Variants in ECRG4 observed in about 807,000 individuals in gnomAD.
ECRG4 encodes augurin.
Under a neutral mutation model 15.8 loss-of-function variants are expected in ECRG4, and 18 were observed. The observed-to-expected ratio is 1.14, with a 90% confidence interval of 0.79 to 1.69. The LOEUF is 1.69. Ranked by LOEUF, ECRG4 falls within the 40% of genes most tolerant of loss-of-function variation. ECRG4 has a pLI of 0.00. For synonymous variants in ECRG4, 82 were observed against 73.9 expected (o/e 1.11, Z -0.56); for missense variants, 200 against 190.9 (o/e 1.05, Z -0.28).
At chr2:106,074,976 AC>A (rs1676454435) in intron 3 of ECRG4, among the ~76,000 whole-genome samples, 1 of 152,168 alleles carries the variant, frequency 6.6e-6, no homozygotes, top group African/African-American at 2.4e-5. Context: ...CACATTTCCA[AC>A]CATTGGACAT....
chr2:106,065,926 G>T (rs1291788788), intron 1 of ECRG4, 83 bp downstream of exon 1: 26 of 1,231,940 alleles, frequency 2.1e-5, no homozygotes, highest in African/African-American at 3.2e-5. Flanking sequence ...CGGGGAGAGC[G>T]ATCGGTGATG....
At chr2:106,068,869 A>G (rs1676279806) in intron 1 of ECRG4, among the ~76,000 whole-genome samples, 5 of 152,182 alleles carry the variant, frequency 3.3e-5, no homozygotes, top group Admixed American at 3.3e-4. Flanking sequence ...TCCCACCCCC[A>G]TCTAATTAGA....
chr2:106,072,116 T>A (rs982573460), intron 2 of ECRG4: 4 of 507,268 alleles, frequency 7.9e-6, no homozygotes, highest in Non-Finnish European at 1.4e-5. Context: ...CTGAAACCTG[T>A]CAGTGTGGAC....
intron 1 of ECRG4, among the ~76,000 whole-genome samples, chr2:106,067,412 A>G (rs1027959582): frequency 6.6e-6 from 1 of 152,188 alleles, no homozygotes; most frequent in African/African-American, 2.4e-5. Flanking sequence ...GTTTATACCA[A>G]TAACTCAGTT....
chr2:106,075,497 G>T (rs1250286395), intron 3 of ECRG4, among the ~76,000 whole-genome samples: 1 of 152,194 alleles, frequency 6.6e-6, no homozygotes, highest in Non-Finnish European at 1.5e-5. Flanking sequence ...CAAGGCAGGT[G>T]GATCACCTGA....
At chr2:106,066,026 GA>G (rs1156482608) in intron 1 of ECRG4, among the ~76,000 whole-genome samples, 183 bp downstream of exon 1, 1 of 152,246 alleles carries the variant, frequency 6.6e-6, no homozygotes, top group African/African-American at 2.4e-5. Flanking sequence ...GCACAAGTGC[GA>G]AGTGGTGCCC....
chr2:106,076,579 C>G (rs945850689), intron 3 of ECRG4, among the ~76,000 whole-genome samples: 1 of 152,296 alleles, frequency 6.6e-6, no homozygotes, highest in South Asian at 2.1e-4. Context: ...TGGATGACCA[C>G]TGAGCCCCAG....
At chr2:106,066,639 G>A (rs899330661) in intron 1 of ECRG4, among the ~76,000 whole-genome samples, 1 of 152,202 alleles carries the variant, frequency 6.6e-6, no homozygotes, top group Non-Finnish European at 1.5e-5. Context: ...GGCAGGGATT[G>A]TTACCTCAGA....
At chr2:106,071,981 T>G (rs1033823581) in intron 2 of ECRG4, 90 bp downstream of exon 2, 1 of 1,155,566 alleles carries the variant, frequency 8.7e-7, no homozygotes, top group Non-Finnish European at 1.3e-6. Flanking sequence ...AGTCTTGTAT[T>G]TGGAAAATCA....
At chr2:106,063,843 A>G (rs1219890859), upstream of ECRG4, among the ~76,000 whole-genome samples, 1 of 152,166 alleles carries the variant, frequency 6.6e-6, no homozygotes, top group African/African-American at 2.4e-5. Context: ...CAGCCTCCCA[A>G]AGTGCTGGGA....
intron 1 of ECRG4, among the ~76,000 whole-genome samples, chr2:106,069,120 TC>T (rs374283802): frequency 0.29 from 42,614 of 147,588 alleles, 6,570 homozygotes; most frequent in East Asian, 0.46. Context: ...TCTTTTTCTT[TC>T]TTCCTTTCTC....
intron 1 of ECRG4, among the ~76,000 whole-genome samples, chr2:106,066,495 GC>G (rs1249857098): frequency 6.6e-6 from 1 of 152,318 alleles, no homozygotes; most frequent in East Asian, 1.9e-4. Context: ...GGCTCCACAG[GC>G]CCCACTTTAG....
chr2:106,077,204 G>A (rs1558659025), intron 3 of ECRG4, among the ~76,000 whole-genome samples: 1 of 152,194 alleles, frequency 6.6e-6, no homozygotes, highest in East Asian at 1.9e-4. Context: ...AGCATTTGCA[G>A]AATAAATAAA....
intron 1 of ECRG4, among the ~76,000 whole-genome samples, chr2:106,071,582 A>C (rs774808162): frequency 1.4e-4 from 22 of 152,196 alleles, no homozygotes; most frequent in Non-Finnish European, 2.6e-4. Flanking sequence ...CACAGGGCTA[A>C]AAGAACAGCA....
At chr2:106,067,828 A>G (rs1003876603) in intron 1 of ECRG4, among the ~76,000 whole-genome samples, 2 of 146,436 alleles carry the variant, frequency 1.4e-5, no homozygotes, top group Non-Finnish European at 3.0e-5. Flanking sequence ...TCTTTATGCC[A>G]CCTCCAAACT....
Position 106,065,726 on chromosome 2 carries a change from G to C in ECRG4, c.-39G>C. On this transcript the variant is annotated 5_prime_UTR_variant, in exon 1 of 4. Coordinates refer to ENST00000238044, the MANE Select transcript of ECRG4 (RefSeq NM_032411.3). The stretch of plus-strand genomic sequence containing the variant: ...GCCCGGTTCTCCCTCGCAGCACCTC[G>C]AAGTGCGCCCCTCGCCCTCCTGCTC... 6.9e-7 allele frequency: 1 copy of C among 1,446,544 alleles called. No individual in the cohort carries two copies. The allele number at this position is 1,446,544 out of a possible 1,614,324, so 89.6% of individuals were successfully genotyped here. A position where few individuals can be genotyped will look rare whatever the true frequency, so the allele number is the denominator to read the frequency against.
intron 2 of ECRG4, 49 bp from the exon 3 acceptor site, chr2:106,073,837 G>A: frequency 1.3e-6 from 2 of 1,590,776 alleles, no homozygotes; most frequent in South Asian, 1.1e-5. Flanking sequence ...CGCAAGTGAG[G>A]AAGGAAGTCA....
intron 1 of ECRG4, among the ~76,000 whole-genome samples, chr2:106,071,376 TAAAAAAA>T (rs149621968): frequency 1.4e-5 from 2 of 138,752 alleles, no homozygotes; most frequent in South Asian, 4.4e-4. Flanking sequence ...GAAAAGAAAA[TAAAAAAA>T]AAATAAAAAT....
chr2:106,071,903 C>A lies in ECRG4; in HGVS notation c.127+12C>A. The A allele has an allele frequency of 6.2e-7, 1 of 1,607,448 alleles. No individual in the cohort carries two copies. Among genetic ancestry groups the A allele is most frequent in the Non-Finnish European group, 8.5e-7 (1 of 1,174,180 alleles). On this transcript the variant is annotated intron_variant, in intron 2 of 3. Transcript: ENST00000238044. ...TCAAAAACGAGAAGGTAAATATACC[C>A]CAAATGGATAAGGGATGCATTCTTA...
Sources: gnomAD v4.1 joint callset for allele counts (sites outside exome capture counted in the v4.1 genomes callset) on GRCh38, gnomAD v4.1.1 for gene constraint, MANE v1.5 for transcripts, NCBI Gene and HGNC (gene_info 2026-07-23, HGNC 2026-07-21) for gene names.